Variants in FMN2 observed in about 807,000 individuals in gnomAD.
FMN2 encodes formin 2.
In FMN2, 51 loss-of-function variants were observed where a neutral mutation model predicts 142.3. The observed-to-expected ratio is 0.36, with a 90% CI of 0.29 to 0.45. The LOEUF is 0.45. FMN2 is among the 20% of genes least tolerant of loss of function. The probability of loss-of-function intolerance (pLI) is 1.00; values close to 1 mark genes in which losing one functional copy is unlikely to be tolerated. For synonymous variants in FMN2, 882 were observed against 869.8 expected, an observed-to-expected ratio of 1.01 and a Z score of -0.25; for missense variants, 1,936 against 2,122.8, an observed-to-expected ratio of 0.91 and a Z score of 1.73.
chr1:240,106,463 C>T (rs1270575860), intron 1 of FMN2, among the ~76,000 whole-genome samples: 1 of 152,106 alleles, frequency 6.6e-6, no homozygotes, highest in Non-Finnish European at 1.5e-5. Flanking sequence ...CATCTTTTCT[C>T]CAAACCCAAC....
At chr1:240,100,851 C>T (rs1415830926) in intron 1 of FMN2, among the ~76,000 whole-genome samples, 1 of 152,158 alleles carries the variant, frequency 6.6e-6, no homozygotes, top group Non-Finnish European at 1.5e-5. Context: ...GGAATACTTT[C>T]TTGAGAAAAT....
intron 13 of FMN2, among the ~76,000 whole-genome samples, chr1:240,351,099 G>T (rs1183852615): frequency 6.6e-6 from 1 of 152,182 alleles, no homozygotes; most frequent in East Asian, 1.9e-4. Flanking sequence ...AAAACAAGCA[G>T]ACTTGTTCTG....
chr1:240,139,724 T>C (rs1236315734), intron 2 of FMN2, among the ~76,000 whole-genome samples: 1 of 152,118 alleles, frequency 6.6e-6, no homozygotes, highest in African/African-American at 2.4e-5. Context: ...TTCAGCAGGC[T>C]GAGGTTTGGA....
intron 7 of FMN2, among the ~76,000 whole-genome samples, chr1:240,262,697 G>A (rs1424964093): frequency 6.6e-6 from 1 of 151,290 alleles, no homozygotes; most frequent in Non-Finnish European, 1.5e-5. Context: ...GATGCTTTAA[G>A]AGTAGAAGGG....
At chr1:240,116,554 TCAA>T (rs34507157) in intron 1 of FMN2, among the ~76,000 whole-genome samples, 65,752 of 151,380 alleles carry the variant, frequency 0.43, 15,129 homozygotes, top group Non-Finnish European at 0.52. Context: ...TAGGAGTAAA[TCAA>T]CAGTGAAATT....
chr1:240,100,591 G>A (rs1661378717), intron 1 of FMN2, among the ~76,000 whole-genome samples: 1 of 152,130 alleles, frequency 6.6e-6, no homozygotes, highest in Non-Finnish European at 1.5e-5. Context: ...ATAATAAGAT[G>A]CTAACCACAC....
intron 16 of FMN2, among the ~76,000 whole-genome samples, chr1:240,445,034 C>A (rs1675757133): frequency 6.6e-6 from 1 of 152,148 alleles, no homozygotes; most frequent in South Asian, 2.1e-4. Context: ...AGAAAAATGA[C>A]CCATAAAGAA....
At chr1:240,143,368 C>T (rs779870144) in intron 2 of FMN2, 138 of 1,455,716 alleles carry the variant, frequency 9.5e-5, no homozygotes, top group Non-Finnish European at 1.2e-4. Flanking sequence ...GCCAAAGGTT[C>T]ATAGTGCCGT....
At chr1:240,163,224 C>G (rs1332461648) in intron 2 of FMN2, among the ~76,000 whole-genome samples, 2 of 152,080 alleles carry the variant, frequency 1.3e-5, no homozygotes, top group Non-Finnish European at 2.9e-5. Flanking sequence ...TTGCTTCAGT[C>G]CATTAGGTAA....
At chr1:240,328,147 CAAAAAAAAAAAAA>C (rs780595882) in intron 8 of FMN2, among the ~76,000 whole-genome samples, 2 of 51,456 alleles carry the variant, frequency 3.9e-5, no homozygotes, top group African/African-American at 1.5e-4. Flanking sequence ...GACCCCATCT[CAAAAAAAAAAAAA>C]AAAAAAAAAA....
chr1:240,424,617 C>T (rs918724212), intron 15 of FMN2, among the ~76,000 whole-genome samples: 1 of 152,208 alleles, frequency 6.6e-6, no homozygotes, highest in Non-Finnish European at 1.5e-5. Flanking sequence ...GGCTGCCACA[C>T]TGATAACAGA....
intron 13 of FMN2, among the ~76,000 whole-genome samples, chr1:240,352,731 G>A (rs1176364826): frequency 6.6e-6 from 1 of 152,116 alleles, no homozygotes; most frequent in African/African-American, 2.4e-5. Flanking sequence ...CATATATTCA[G>A]TATCCTTACA....
At chr1:240,375,859 A>T in intron 14 of FMN2, among the ~76,000 whole-genome samples, 1 of 152,150 alleles carries the variant, frequency 6.6e-6, no homozygotes, top group Non-Finnish European at 1.5e-5. Flanking sequence ...TTTATTTATC[A>T]GTTAGTAAGA....
intron 6 of FMN2, among the ~76,000 whole-genome samples, chr1:240,252,058 G>A (rs1364608570): frequency 2.6e-5 from 4 of 152,062 alleles, no homozygotes; most frequent in African/African-American, 7.2e-5. Context: ...ACAGACGCCC[G>A]CCATCTCACC....
At chr1:240,439,524 A>G (rs1675535666) in intron 16 of FMN2, among the ~76,000 whole-genome samples, 1 of 152,186 alleles carries the variant, frequency 6.6e-6, no homozygotes, top group Non-Finnish European at 1.5e-5. Context: ...CTTAGATTCC[A>G]TAGGTCTGTC....
intron 1 of FMN2, among the ~76,000 whole-genome samples, chr1:240,121,812 T>C (rs1662271378): frequency 7.2e-6 from 1 of 138,216 alleles, no homozygotes; most frequent in South Asian, 2.5e-4. Flanking sequence ...CTGAGGAGCA[T>C]CTGAGAGAAA....
chr1:240,299,190 CA>C (rs1670103871), intron 8 of FMN2, among the ~76,000 whole-genome samples: 1 of 152,078 alleles, frequency 6.6e-6, no homozygotes, highest in Non-Finnish European at 1.5e-5. Flanking sequence ...TCAGGTGATC[CA>C]CCCGCCTCGA....
chr1:240,450,597 G>A (rs1420433278), intron 16 of FMN2, among the ~76,000 whole-genome samples: 3 of 152,110 alleles, frequency 2.0e-5, no homozygotes, highest in South Asian at 2.1e-4. Context: ...TATAGAGGTC[G>A]CTCCCTTCCT....
chr1:240,092,631 G>A lies in FMN2; in HGVS notation c.522G>A (p.Arg174=). 6.2e-7 allele frequency: 1 copy of A among 1,614,110 alleles called. No individual in the cohort carries two copies. Among genetic ancestry groups the A allele is most frequent in the Non-Finnish European group, 8.5e-7 (1 of 1,180,014 alleles). Residue 174 remains arginine, a synonymous_variant, in exon 1 of 18, where the codon AGG becomes AGA. Transcript: ENST00000319653. ...ETAAGAQDGQ[R]TSSGSDTDIY... is the part of the protein sequence containing the mutation. Reference sequence around the variant, plus strand: ...CAGCAGGGGCGCAGGATGGACAAAGGACCAGCTCGGGCTCGGACACGGACA... The same window carrying A: ...CAGCAGGGGCGCAGGATGGACAAAGAACCAGCTCGGGCTCGGACACGGACA...
Sources: gnomAD v4.1 joint callset for allele counts (sites outside exome capture counted in the v4.1 genomes callset) on GRCh38, gnomAD v4.1.1 for gene constraint, MANE v1.5 for transcripts, NCBI Gene and HGNC (gene_info 2026-07-23, HGNC 2026-07-21) for gene names.